MNAT1: variants seen among roughly 807,000 people sequenced by gnomAD.
MNAT1 encodes the protein MNAT1 component of CDK activating kinase.
Under a neutral mutation model 42.0 loss-of-function variants are expected in MNAT1, and 43 were observed. That is an observed-to-expected ratio of 1.02 (90% CI 0.80 to 1.32). MNAT1 has a LOEUF of 1.32. Among genes scored for constraint, MNAT1 ranks in the 40% most tolerant of loss-of-function variants. The pLI is 0.00. For missense variants in MNAT1, 306 were observed against 350.4 expected, an observed-to-expected ratio of 0.87 and a Z score of 1.01; for synonymous variants, 118 against 120.0, an observed-to-expected ratio of 0.98 and a Z score of 0.11.
chr14:60,948,617 G>A (rs561133490), intron 7 of MNAT1, among the ~76,000 whole-genome samples: 3 of 151,772 alleles, frequency 2.0e-5, no homozygotes, highest in Non-Finnish European at 4.4e-5. Flanking sequence ...TTCTGTACTC[G>A]CCTGACTTCT....
intron 6 of MNAT1, among the ~76,000 whole-genome samples, chr14:60,839,700 T>C (rs546486986): frequency 1.2e-4 from 18 of 152,344 alleles, no homozygotes; most frequent in Admixed American, 9.8e-4. Context: ...CTCCAAGCTT[T>C]CCAGTGTCAC....
At chr14:60,750,528 C>A (rs573064746) in intron 1 of MNAT1, among the ~76,000 whole-genome samples, 3 of 137,996 alleles carry the variant, frequency 2.2e-5, no homozygotes, top group Admixed American at 7.2e-5. Flanking sequence ...CTGCGCCCAG[C>A]CTTTTTTTTT....
intron 1 of MNAT1, 93 bp from the exon 2 acceptor site, chr14:60,796,124 C>A: frequency 9.2e-7 from 1 of 1,090,094 alleles, no homozygotes; most frequent in Non-Finnish European, 1.2e-6. Flanking sequence ...GTTTTCAAGT[C>A]TCACTCTCCT....
At chr14:60,785,390 T>G (rs1395235741) in intron 1 of MNAT1, among the ~76,000 whole-genome samples, 3 of 152,254 alleles carry the variant, frequency 2.0e-5, no homozygotes, top group Non-Finnish European at 2.9e-5. Context: ...CAAACTTGTC[T>G]GTTATTTTAT....
Position 60,968,324 on chromosome 14 carries a change from G to T in MNAT1, c.905G>T (p.Ser302Ile). 6.2e-7 allele frequency: 1 copy of T among 1,612,724 alleles called. No individual in the cohort carries two copies. The highest frequency in any genetic ancestry group is 8.5e-7 in the Non-Finnish European group (1 of 1,179,660). Reference sequence around the variant, plus strand: ...CACAGAGCACTACAGGATGCATTCAGTGGGCTTTTCTGGCAGCCCAGTTAA... The same window carrying T: ...CACAGAGCACTACAGGATGCATTCATTGGGCTTTTCTGGCAGCCCAGTTAA... ...ACHRALQDAF[S>I]GLFWQPS The change falls in exon 8 of 8, where the codon AGT becomes ATT. Residue 302 changes from serine to isoleucine, a missense_variant. Ser to Ile is a moderately radical substitution (Grantham distance 142). This residue lies in a region of MNAT1 where 116 missense variants were observed against 139.6 expected (regional missense o/e 0.83). Transcript: ENST00000261245.
intron 7 of MNAT1, among the ~76,000 whole-genome samples, chr14:60,950,661 A>C (rs1266187970): frequency 6.6e-6 from 1 of 152,116 alleles, no homozygotes; most frequent in African/African-American, 2.4e-5. Flanking sequence ...GGCCCGAGAC[A>C]ATTTTTCTTC....
chr14:60,968,220 T>A lies in MNAT1; in HGVS notation c.810-9T>A, dbSNP rs946772602. 1.3e-6 allele frequency: 2 copies of A among 1,597,616 alleles called. No homozygotes were observed. The highest frequency in any genetic ancestry group is 1.3e-5 in the African/African-American group (1 of 74,206). ...GTATATCAATGCTACACTTCTTGTTTTGTTTTAGGTATTTAAACCATGTCA... is the reference window on the plus strand; with the variant it reads ...GTATATCAATGCTACACTTCTTGTTATGTTTTAGGTATTTAAACCATGTCA... On this transcript the variant is annotated splice_polypyrimidine_tract_variant and intron_variant, in intron 7 of 7. Coordinates refer to ENST00000261245, the MANE Select transcript of MNAT1 (RefSeq NM_002431.4).
intron 1 of MNAT1, among the ~76,000 whole-genome samples, chr14:60,789,516 A>G (rs1214086042): frequency 6.6e-6 from 1 of 152,202 alleles, no homozygotes; most frequent in Admixed American, 6.5e-5. Flanking sequence ...TGCAAAGCCC[A>G]ATAAGGCAAT....
intron 6 of MNAT1, among the ~76,000 whole-genome samples, chr14:60,845,187 T>C (rs2033651840): frequency 6.6e-6 from 1 of 151,956 alleles, no homozygotes; most frequent in South Asian, 2.1e-4. Flanking sequence ...AGAGTTTGTA[T>C]GAAATTAATG....
intron 7 of MNAT1, among the ~76,000 whole-genome samples, chr14:60,893,365 A>G (rs565794149): frequency 2.6e-5 from 4 of 151,982 alleles, no homozygotes; most frequent in Non-Finnish European, 5.9e-5. Context: ...AGATCCTTTA[A>G]GTTATTAATC....
chr14:60,785,137 G>A (rs1220918304), intron 1 of MNAT1, among the ~76,000 whole-genome samples: 2 of 152,170 alleles, frequency 1.3e-5, no homozygotes, highest in Non-Finnish European at 2.9e-5. Flanking sequence ...GAGCCACCAC[G>A]CCCAGCCAGC....
At chr14:60,774,838 T>G (rs1480645741) in intron 1 of MNAT1, among the ~76,000 whole-genome samples, 1 of 152,156 alleles carries the variant, frequency 6.6e-6, no homozygotes, top group Non-Finnish European at 1.5e-5. Flanking sequence ...TAGGAATAAC[T>G]GGGGGAGGAG....
intron 1 of MNAT1, among the ~76,000 whole-genome samples, 199 bp from the exon 2 acceptor site, chr14:60,796,018 T>C (rs970929429): frequency 2.6e-5 from 4 of 152,174 alleles, no homozygotes; most frequent in African/African-American, 9.7e-5. Context: ...ACTAAACTGG[T>C]ATCACTTGGG....
At chr14:60,752,332 G>C (rs2030129736) in intron 1 of MNAT1, among the ~76,000 whole-genome samples, 1 of 151,858 alleles carries the variant, frequency 6.6e-6, no homozygotes, top group Non-Finnish European at 1.5e-5. Context: ...TATATTCTTT[G>C]GGATTAGGAA....
intron 1 of MNAT1, among the ~76,000 whole-genome samples, chr14:60,738,039 CG>C (rs1357128899): frequency 7.6e-6 from 1 of 131,670 alleles, no homozygotes; most frequent in African/African-American, 2.9e-5. Context: ...TTAGTAGAGA[CG>C]GGGTTTCAGC....
chr14:60,935,332 CTCCT>C (rs1403901473), intron 7 of MNAT1, among the ~76,000 whole-genome samples: 3 of 150,230 alleles, frequency 2.0e-5, no homozygotes, highest in Non-Finnish European at 4.4e-5. Context: ...CCCTCCCTCC[CTCCT>C]TCCTTTCTTC....
intron 6 of MNAT1, among the ~76,000 whole-genome samples, chr14:60,834,897 A>G (rs2033334748): frequency 6.7e-6 from 1 of 150,360 alleles, no homozygotes; most frequent in African/African-American, 2.5e-5. Flanking sequence ...TTCTTGTTGC[A>G]TTGATCCCTT....
chr14:60,779,939 CG>C, intron 1 of MNAT1: 1 of 1,333,256 alleles, frequency 7.5e-7, no homozygotes, highest in Non-Finnish European at 1.1e-6. Flanking sequence ...AGTGAAAGCG[CG>C]TGCCTTTGTT....
intron 6 of MNAT1, among the ~76,000 whole-genome samples, chr14:60,858,929 TA>T (rs2034029144): frequency 6.6e-6 from 1 of 152,198 alleles, no homozygotes; most frequent in South Asian, 2.1e-4. Context: ...CATTAGGAAA[TA>T]AAAAATGTGT....
Sources: gnomAD v4.1 joint callset for allele counts (sites outside exome capture counted in the v4.1 genomes callset) on GRCh38, gnomAD v4.1.1 for gene constraint, gnomAD v4.1.1 regional missense constraint, MANE v1.5 for transcripts, NCBI Gene and HGNC (gene_info 2026-07-23, HGNC 2026-07-21) for gene names.